Variants in SBSN observed in about 807,000 individuals in gnomAD.
The protein encoded by SBSN is suprabasin, also known as HLAR698.
Under a neutral mutation model 42.8 loss-of-function variants are expected in SBSN, and 33 were observed. The ratio of observed to expected loss-of-function variants is 0.77; its 90% CI spans 0.58 to 1.03. The LOEUF is 1.03. Among genes scored for constraint, SBSN ranks in the 50% least tolerant of loss-of-function variants. SBSN has a pLI of 0.00. For synonymous variants in SBSN, 276 were observed against 307.0 expected (o/e 0.90, Z 1.06); for missense variants, 646 against 757.3 (o/e 0.85, Z 1.72).
Position 35,526,840 on chromosome 19 carries a change from T to A in SBSN, c.1442A>T (p.His481Leu). The A allele has an allele frequency of 6.2e-7, 1 of 1,613,794 alleles. No individual in the cohort carries two copies. Among genetic ancestry groups the A allele is most frequent in the Non-Finnish European group, 8.5e-7 (1 of 1,179,924 alleles). Residue 481 changes from histidine to leucine, a missense_variant, in exon 1 of 4, where the codon CAC (histidine) becomes CTC (leucine). By Grantham distance (99) the His-to-Leu change is moderately conservative. Around this residue, in one of 3 missense-constraint regions of SBSN, gnomAD observed 236 missense variants for 225.6 expected, o/e 1.05. Transcript: ENST00000452271. ...CTTCCCAGCCTGGTGGACCCCAGTG[T>A]GGAACCCTTGGACCGCTTTGTCTGC... ...KEADKAVQGF[H>L]TGVHQAGKEA...
intron 1 of SBSN, 46 bp downstream of exon 1, chr19:35,526,598 T>TGCCC: frequency 3.5e-6 from 1 of 284,150 alleles, no homozygotes; most frequent in African/African-American, 4.3e-5. Context: ...AACCTTTCCC[T>TGCCC]CCCCCAACCC....
rs1287805916 is a variant in SBSN at position 35,527,023 on chromosome 19, C to A, written c.1259G>T (p.Gly420Val). 3.9e-6 allele frequency: 6 copies of A among 1,543,232 alleles called. No individual in the cohort carries two copies. In the East Asian group the frequency reaches 7.4e-5, roughly 19 times the overall value. ...HGVSQAGREA[G>V]QFGHDIHHTA... Reference sequence around the variant, plus strand: ...GTGGTGAATGTCGTGGCCAAACTGCCCCGCCTCCCTTCCAGCCTGACTAAC... The same window carrying A: ...GTGGTGAATGTCGTGGCCAAACTGCACCGCCTCCCTTCCAGCCTGACTAAC... The change falls in exon 1 of 4, where the codon GGG (glycine) becomes GTG (valine). Residue 420 changes from glycine (G) to valine (V), a missense_variant. Physicochemically the swap from Gly to Val is moderately radical, Grantham distance 109. Transcript: ENST00000452271.
rs1332850501 is a variant in SBSN at position 35,526,913 on chromosome 19, G to A, written c.1369C>T (p.Gln457Ter). 1 of 1,552,506 alleles carries A rather than the reference G, an allele frequency of 6.4e-7. No homozygotes were observed. The highest frequency in any genetic ancestry group is 8.7e-7 in the Non-Finnish European group (1 of 1,152,152). ...GVHEAGKEAG[Q>*]FGQGVHHTLE... ...GTATGGTGAACTCCCTGGCCAAACT[G>A]CCCTGCCTCCTTCCCGGCCTCGTGG... Residue 457 changes from glutamine (Q) to a stop codon, truncating the protein, a stop_gained, in exon 1 of 4, where the codon CAG (glutamine) becomes TAG (stop). Transcript: ENST00000452271. LOFTEE classifies it high-confidence loss of function.
chr19:35,526,598 T>A, intron 1 of SBSN, 46 bp downstream of exon 1: 8 of 284,144 alleles, frequency 2.8e-5, no homozygotes, highest in Non-Finnish European at 4.4e-5. Flanking sequence ...AACCTTTCCC[T>A]CCCCCAACCC....
chr19:35,523,436 C>G lies in SBSN; in HGVS notation c.*74G>C, dbSNP rs774362416. The G allele has an allele frequency of 1.5e-4, 223 of 1,492,618 alleles. No homozygotes were observed. Among genetic ancestry groups the G allele is most frequent in the Non-Finnish European group, 2.0e-4 (217 of 1,069,846 alleles). 92.5% of individuals were successfully genotyped at this position (1,492,618 alleles called of 1,614,324 possible). On this transcript the variant is annotated 3_prime_UTR_variant, in exon 4 of 4. Coordinates refer to ENST00000452271, the MANE Select transcript of SBSN (RefSeq NM_001166034.2). ...GGGATTTCAGAAACCTGTCCCCCAC[C>G]CCCAACCCCTCCAGGTCATGTCAGC... is the stretch of plus-strand genomic sequence containing the variant.
chr19:35,527,865 A>G lies in SBSN; in HGVS notation c.417T>C (p.His139=), dbSNP rs767227905. 5 of 1,613,900 alleles carry G rather than the reference A, an allele frequency of 3.1e-6. No individual in the cohort carries two copies. Among genetic ancestry groups the G allele is most frequent in the Non-Finnish European group, 4.2e-6 (5 of 1,179,992 alleles). The change falls in exon 1 of 4, where the codon CAT becomes CAC. Residue 139 remains histidine, a synonymous_variant. Coordinates refer to ENST00000452271, the MANE Select transcript of SBSN (RefSeq NM_001166034.2). ...EADKLIHHGV[H]HGANQAGSEA... is the part of the protein sequence containing the mutation. ...CACTTCCCGCCTGGTTGGCCCCGTG[A>G]TGGACCCCATGATGGATCAGTTTGT...
In SBSN at chr19:35,526,970, C is replaced by A; in HGVS notation, c.1312G>T (p.Asp438Tyr). ...GGTTGGACACCATGAACTGCTATGT[C>A]TCCCTCTTTCCCAGCCTGCCCTGCT... ...HTAGQAGKEG[D>Y]IAVHGVQPGV... Residue 438 changes from aspartate to tyrosine, a missense_variant, in exon 1 of 4, where the codon GAC (aspartate) becomes TAC (tyrosine). Coordinates refer to ENST00000452271, the MANE Select transcript of SBSN (RefSeq NM_001166034.2). The A allele has an allele frequency of 6.4e-7, 1 of 1,560,632 alleles. No homozygotes were observed. The highest frequency in any genetic ancestry group is 8.7e-7 in the Non-Finnish European group (1 of 1,152,830).
chr19:35,524,149 C>T (rs1035641364), intron 3 of SBSN, among the ~76,000 whole-genome samples: 8 of 152,232 alleles, frequency 5.3e-5, no homozygotes, highest in African/African-American at 1.7e-4. Context: ...CACTGCACTC[C>T]AGCCTGGGAG....
In SBSN at chr19:35,527,644, C is replaced by T; in HGVS notation, c.638G>A (p.Gly213Asp). 6.5e-7 allele frequency: 1 copy of T among 1,527,748 alleles called. No individual in the cohort carries two copies. Among genetic ancestry groups the T allele is most frequent in the South Asian group, 1.2e-5 (1 of 83,550 alleles). The allele number at this position is 1,527,748 out of a possible 1,614,324, so 94.6% of individuals were successfully genotyped here. ...TGTCTCCTTCCAGCCCTCACTGAGA[C>T]CATGGTGGGCCCCCTGGCCAAATCT... ...AGRFGQGAHH[G>D]LSEGWKETEK... is the part of the protein sequence containing the mutation. The change falls in exon 1 of 4, where the codon GGT (glycine) becomes GAT (aspartate). Residue 213 changes from glycine (G) to aspartate (D), a missense_variant. Physicochemically the swap from Gly to Asp is moderately conservative, Grantham distance 94. Transcript: ENST00000452271.
rs775505624 is a variant in SBSN at position 35,526,791 on chromosome 19, C to T, written c.1491G>A (p.Gly497=). ...AGKEAEKLGQ[G]VNHAADQAGK... is the part of the protein sequence containing the mutation. ...CAGCCTGGTCAGCAGCATGGTTGAC[C>T]CCTTGGCCAAGTTTCTCTGCTTCCT... The change falls in exon 1 of 4, where the codon GGG becomes GGA. Residue 497 remains glycine (G), a synonymous_variant. Coordinates refer to ENST00000452271, the MANE Select transcript of SBSN (RefSeq NM_001166034.2). 6.2e-7 allele frequency: 1 copy of T among 1,613,620 alleles called. No individual in the cohort carries two copies. The highest frequency in any genetic ancestry group is 2.2e-5 in the East Asian group (1 of 44,832).
chr19:35,524,155 G>A (rs2071342110), intron 3 of SBSN, among the ~76,000 whole-genome samples: 1 of 152,218 alleles, frequency 6.6e-6, no homozygotes, highest in Non-Finnish European at 1.5e-5. Context: ...ACTCCAGCCT[G>A]GGAGATAGAG....
At chr19:35,526,300 C>G (rs2071369178) in intron 1 of SBSN, among the ~76,000 whole-genome samples, 1 of 152,176 alleles carries the variant, frequency 6.6e-6, no homozygotes, top group Admixed American at 6.5e-5. Context: ...TATACTAGAT[C>G]TTGATCTCAG....
rs2146286861 is a variant in SBSN at position 35,528,027 on chromosome 19, T to C, written c.255A>G (p.Lys85=). 6.2e-7 allele frequency: 1 copy of C among 1,613,802 alleles called. No individual in the cohort carries two copies. Among genetic ancestry groups the C allele is most frequent in the South Asian group, 1.1e-5 (1 of 91,076 alleles). ...MGSHTGKELD[K]GVQGLNHGMD... ...TGCCGTGGTTGAGCCCCTGGACGCC[T>C]TTGTCCAACTCCTTGCCGGTGTGGC... The change falls in exon 1 of 4, where the codon AAA becomes AAG. Residue 85 remains lysine, a synonymous_variant. Transcript: ENST00000452271.
rs371131169 is a variant in SBSN at position 35,528,105 on chromosome 19, C to A, written c.177G>T (p.Thr59=). ...KALDGINSGI[T]HAGREVEKVF... ...CCTTCTCCACTTCCCTTCCGGCATG[C>A]GTGATTCCACTGTTGATGCCATCCA... The change falls in exon 1 of 4, where the codon ACG becomes ACT. Residue 59 remains threonine, a synonymous_variant. Coordinates refer to ENST00000452271, the MANE Select transcript of SBSN (RefSeq NM_001166034.2). The A allele has an allele frequency of 4.3e-6, 7 of 1,614,060 alleles. No homozygotes were observed. The South Asian group carries it at 6.6e-5, about 15-fold the overall frequency.
rs374727786 is a variant in SBSN, at chr19:35,525,078, C to T, written c.1639-154G>A. Among the ~76,000 whole-genome samples, 9 of 152,180 alleles carry T rather than the reference C, an allele frequency of 5.9e-5. No individual in the cohort carries two copies. In the South Asian group the frequency reaches 6.2e-4, roughly 11 times the overall value. On this transcript the variant is annotated intron_variant, in intron 1 of 3. Coordinates refer to ENST00000452271, the MANE Select transcript of SBSN (RefSeq NM_001166034.2). ...GCCTCCTCACTGTCCAGAAGAAAAC[C>T]CAAAGCCCGTGCTCGCGTGGGCATT...
At position 35,527,684 on chromosome 19, in the gene SBSN, CGG is replaced by C; in HGVS notation, c.596_597del (p.Ala199GlyfsTer3). 1 of 1,513,304 alleles carries C rather than the reference CGG, an allele frequency of 6.6e-7. No homozygotes were observed. The highest frequency in any genetic ancestry group is 8.8e-7 in the Non-Finnish European group (1 of 1,133,052). The allele number at this position is 1,513,304 out of a possible 1,614,324, so 93.7% of individuals were successfully genotyped here. A position where few individuals can be genotyped will look rare whatever the true frequency, so the allele number is the denominator to read the frequency against. ...GQGVHHAAGQAGNEAGRFGQG... is the reference protein window; with the variant it reads ...GQGVHHAAGQXGNEAGRFGQG... ...TGGCCAAATCTCCCAGCCTCATTTC[CGG>C]CCTGCCCTGCAGCATGGTGGACTCC... On this transcript the variant is annotated frameshift_variant, in exon 1 of 4. Transcript: ENST00000452271. LOFTEE classifies it high-confidence loss of function.
In SBSN at chr19:35,523,455, T is replaced by A; in HGVS notation, c.*55A>T. ...CCCCACCCCCAACCCCTCCAGGTCATGTCAGCTGATGTGACAACGGCGACA... is the reference window on the plus strand; with the variant it reads ...CCCCACCCCCAACCCCTCCAGGTCAAGTCAGCTGATGTGACAACGGCGACA... On this transcript the variant is annotated 3_prime_UTR_variant, in exon 4 of 4. Transcript: ENST00000452271. 2.5e-6 allele frequency: 4 copies of A among 1,569,364 alleles called. No individual in the cohort carries two copies. Among genetic ancestry groups the A allele is most frequent in the Non-Finnish European group, 3.5e-6 (4 of 1,139,382 alleles).
chr19:35,527,583 A>T lies in SBSN; in HGVS notation c.699T>A (p.Gly233=), dbSNP rs769612376. The T allele has an allele frequency of 2.5e-5, 37 of 1,491,372 alleles. No individual in the cohort carries two copies. The highest frequency in any genetic ancestry group is 3.3e-5 in the Non-Finnish European group (37 of 1,133,108). The allele number at this position is 1,491,372 out of a possible 1,614,324, so 92.4% of individuals were successfully genotyped here. A position where few individuals can be genotyped will look rare whatever the true frequency, so the allele number is the denominator to read the frequency against. ...ACTTCTCTGCCTCCTTCCCAACCTG[A>T]CCGGCAGCATGGTGGATCCCCTGGC... The part of the protein sequence containing the change: ...KFGQGIHHAA[G]QVGKEAEKFG... The change falls in exon 1 of 4, where the codon GGT becomes GGA. Residue 233 remains glycine, a synonymous_variant. Transcript: ENST00000452271.
chr19:35,524,882 T>C lies in SBSN; in HGVS notation c.1681A>G (p.Thr561Ala), dbSNP rs2071352062. 1 of 1,614,118 alleles carries C rather than the reference T, an allele frequency of 6.2e-7. No individual in the cohort carries two copies. Among genetic ancestry groups the C allele is most frequent in the Non-Finnish European group, 8.5e-7 (1 of 1,180,012 alleles). The change falls in exon 2 of 4, where the codon ACA (threonine) becomes GCA (alanine). Residue 561 changes from threonine (T) to alanine (A), a missense_variant. Coordinates refer to ENST00000452271, the MANE Select transcript of SBSN (RefSeq NM_001166034.2). ...SGSSSHQGGA[T>A]TTPLASGASV... ...ACCCCAGAGGCTAACGGCGTGGTTG[T>C]GGCCCCTCCTTGATGGCTGGAAGAT...
Sources: gnomAD v4.1 joint callset for allele counts (sites outside exome capture counted in the v4.1 genomes callset) on GRCh38, gnomAD v4.1.1 for gene constraint, gnomAD v4.1.1 regional missense constraint, MANE v1.5 for transcripts, NCBI Gene and HGNC (gene_info 2026-07-23, HGNC 2026-07-21) for gene names.